The following MYMX variants were observed in gnomAD, a reference collection of about 807,000 sequenced individuals.
MYMX encodes the protein myomixer, myoblast fusion factor.
At chr6:44,205,466 C>T in the MYMX span, among the ~76,000 whole-genome samples, 1 of 151,808 alleles carries the variant, frequency 6.6e-6, no homozygotes, top group Non-Finnish European at 1.5e-5. Flanking sequence ...TGAGACCAGC[C>T]TGGGCAACAT....
upstream of MYMX, among the ~76,000 whole-genome samples, chr6:44,216,356 A>G (rs778296134): frequency 3.3e-5 from 5 of 152,226 alleles, no homozygotes; most frequent in Non-Finnish European, 5.9e-5. Flanking sequence ...CACAATTAGA[A>G]AGTGCAGTCT....
At chr6:44,196,392 C>T in the MYMX span, among the ~76,000 whole-genome samples, 5 of 152,148 alleles carry the variant, frequency 3.3e-5, no homozygotes, top group Admixed American at 6.6e-5. Context: ...TAAACTCTTT[C>T]TTTAGGCTGG....
the MYMX span, among the ~76,000 whole-genome samples, chr6:44,205,978 T>TTAA: frequency 3.5e-5 from 1 of 28,346 alleles, no homozygotes; most frequent in Non-Finnish European, 7.3e-5. Context: ...AGACCCTTTC[T>TTAA]CAAAAAAAAA....
At chr6:44,208,085 A>C in the MYMX span, among the ~76,000 whole-genome samples, 2 of 151,996 alleles carry the variant, frequency 1.3e-5, no homozygotes, top group African/African-American at 4.8e-5. Flanking sequence ...AAAATTATCC[A>C]GGCATGGTGG....
At chr6:44,198,944 G>A in the MYMX span, among the ~76,000 whole-genome samples, 1 of 151,944 alleles carries the variant, frequency 6.6e-6, no homozygotes, top group Non-Finnish European at 1.5e-5. Context: ...ATGTGCCAGA[G>A]GATCAAATCT....
chr6:44,203,723 T>A, the MYMX span, among the ~76,000 whole-genome samples: 1 of 152,188 alleles, frequency 6.6e-6, no homozygotes, highest in African/African-American at 2.4e-5. Flanking sequence ...TGGGGTCTCT[T>A]TTCCTTTCAC....
chr6:44,211,788 T>TTTTGTGTGTGTGTG, the MYMX span, among the ~76,000 whole-genome samples: 3 of 126,382 alleles, frequency 2.4e-5, no homozygotes, highest in Admixed American at 8.0e-5. Context: ...CAGCTAGGTT[T>TTTTGTGTGTGTGTG]TGTGTGTGTG....
chr6:44,214,079 C>T (rs1775740271), upstream of MYMX, among the ~76,000 whole-genome samples: 1 of 152,148 alleles, frequency 6.6e-6, no homozygotes, highest in Non-Finnish European at 1.5e-5. Flanking sequence ...GGCTTTAACT[C>T]TGAGTGAGAT....
upstream of MYMX, among the ~76,000 whole-genome samples, chr6:44,213,279 G>C (rs546784958): frequency 9.0e-4 from 136 of 151,578 alleles, 1 homozygote; most frequent in Non-Finnish European, 1.6e-3. Flanking sequence ...CCAGCTACTC[G>C]GGAGGCTGAG....
At chr6:44,197,158 C>T in the MYMX span, among the ~76,000 whole-genome samples, 1 of 152,092 alleles carries the variant, frequency 6.6e-6, no homozygotes, top group Non-Finnish European at 1.5e-5. Context: ...ATAACTTGAA[C>T]CCAGGAAGCA....
the MYMX span, among the ~76,000 whole-genome samples, chr6:44,196,238 C>T: frequency 6.6e-6 from 1 of 152,204 alleles, no homozygotes; most frequent in Non-Finnish European, 1.5e-5. Context: ...CATCCTTGTA[C>T]ATATCTCCGT....
At chr6:44,202,015 T>G in the MYMX span, among the ~76,000 whole-genome samples, 2 of 152,146 alleles carry the variant, frequency 1.3e-5, no homozygotes, top group Non-Finnish European at 2.9e-5. Context: ...ATGCAAGTCA[T>G]GCGGAGGCAG....
chr6:44,212,088 T>G (rs1263535280), upstream of MYMX, among the ~76,000 whole-genome samples: 8 of 152,000 alleles, frequency 5.3e-5, no homozygotes. Flanking sequence ...AAGAGAGGAT[T>G]TAAAATGTTG....
the MYMX span, among the ~76,000 whole-genome samples, chr6:44,206,277 G>C: frequency 2.6e-5 from 4 of 151,980 alleles, no homozygotes; most frequent in African/African-American, 9.7e-5. Flanking sequence ...TGTCGCCCAG[G>C]CTAGAGTGCA....
chr6:44,203,214 G>A, the MYMX span, among the ~76,000 whole-genome samples: 11 of 152,158 alleles, frequency 7.2e-5, no homozygotes, highest in Non-Finnish European at 1.6e-4. Flanking sequence ...CACACATCCT[G>A]GGAGTGTGTT....
At chr6:44,209,830 T>A in the MYMX span, 1 of 151,378 alleles carries the variant, frequency 6.6e-6, no homozygotes, top group African/African-American at 2.4e-5. Context: ...GAGAATCGCT[T>A]GAACCTGGGA....
chr6:44,201,618 G>T, the MYMX span, among the ~76,000 whole-genome samples: 1 of 152,190 alleles, frequency 6.6e-6, no homozygotes, highest in Non-Finnish European at 1.5e-5. Context: ...TGATCTAAGT[G>T]CTGCCCATGA....
the MYMX span, among the ~76,000 whole-genome samples, chr6:44,205,605 T>G: frequency 6.6e-6 from 1 of 151,942 alleles, no homozygotes; most frequent in Admixed American, 6.6e-5. Context: ...GGTCAGGAGT[T>G]CAAGACCAGC....
the MYMX span, among the ~76,000 whole-genome samples, chr6:44,196,458 C>T: frequency 6.6e-6 from 1 of 152,196 alleles, no homozygotes. Context: ...GCTGGCGGAT[C>T]ACCTGAGGTC....
Sources: gnomAD v4.1 joint callset for allele counts (sites outside exome capture counted in the v4.1 genomes callset) on GRCh38, gnomAD v4.1.1 for gene constraint, MANE v1.5 for transcripts, NCBI Gene and HGNC (gene_info 2026-07-23, HGNC 2026-07-21) for gene names.